ZC3HAV1: variants seen among roughly 807,000 people sequenced by gnomAD.
ZC3HAV1 encodes the protein zinc finger CCCH-type antiviral protein 1.
In ZC3HAV1, 41 loss-of-function variants were observed where a neutral mutation model predicts 86.6. That is an observed-to-expected ratio of 0.47 (90% CI 0.37 to 0.61). The LOEUF (loss-of-function observed/expected upper bound fraction) is 0.61. Among genes scored for constraint, ZC3HAV1 ranks in the 20% least tolerant of loss-of-function variants. The pLI, the probability that ZC3HAV1 is intolerant of heterozygous loss-of-function variation, is 0.00. For missense variants in ZC3HAV1, 964 were observed against 1,141.1 expected (o/e 0.84, Z 2.24); for synonymous variants, 421 against 432.1 (o/e 0.97, Z 0.32).
At chr7:139,094,141 G>A (rs1369273421) in intron 1 of ZC3HAV1, among the ~76,000 whole-genome samples, 1 of 152,116 alleles carries the variant, frequency 6.6e-6, no homozygotes, top group Admixed American at 6.5e-5. Flanking sequence ...CAATCTTTTA[G>A]GATGCATCAG....
chr7:139,070,663 C>CAAAAA (rs765065216), intron 7 of ZC3HAV1, among the ~76,000 whole-genome samples: 32 of 54,348 alleles, frequency 5.9e-4, no homozygotes, highest in East Asian at 1.4e-3. Context: ...GACTCCGTCT[C>CAAAAA]AAAAAAAAAA....
chr7:139,099,368 C>T (rs57537823), intron 1 of ZC3HAV1, among the ~76,000 whole-genome samples: 3,312 of 152,224 alleles, frequency 0.022, 113 homozygotes, highest in African/African-American at 0.075. Flanking sequence ...TAGATGAATA[C>T]GCCCACACAA....
At chr7:139,105,083 G>A (rs1291760190) in intron 1 of ZC3HAV1, among the ~76,000 whole-genome samples, 1 of 150,726 alleles carries the variant, frequency 6.6e-6, no homozygotes, top group Non-Finnish European at 1.5e-5. Flanking sequence ...ACATGGTGGC[G>A]CCCACCTGTA....
chr7:139,057,184 C>A (rs936593565), intron 9 of ZC3HAV1, among the ~76,000 whole-genome samples: 1 of 152,122 alleles, frequency 6.6e-6, no homozygotes, highest in East Asian at 1.9e-4. Context: ...TCCCCCTCCC[C>A]ATCTCTAGAA....
At position 139,109,337 on chromosome 7, in the gene ZC3HAV1, G is replaced by A; in HGVS notation, c.-6C>T. ...CACACCTCCGGGTCCGCCATGGCGCGCTGGCTGTGCTGGCTCTGCCGCGGC... is the reference window on the plus strand; with the variant it reads ...CACACCTCCGGGTCCGCCATGGCGCACTGGCTGTGCTGGCTCTGCCGCGGC... On this transcript the variant is annotated 5_prime_UTR_variant, in exon 1 of 13. Transcript: ENST00000242351. 4 of 1,560,326 alleles carry A rather than the reference G, an allele frequency of 2.6e-6. No homozygotes were observed. Among genetic ancestry groups the A allele is most frequent in the East Asian group, 2.3e-5 (1 of 43,702 alleles).
At chr7:139,103,316 G>A (rs1246514028) in intron 1 of ZC3HAV1, among the ~76,000 whole-genome samples, 1 of 147,422 alleles carries the variant, frequency 6.8e-6, no homozygotes, top group Non-Finnish European at 1.5e-5. Flanking sequence ...TGTTGTCCAG[G>A]CTAGTCTTGA....
intron 1 of ZC3HAV1, among the ~76,000 whole-genome samples, chr7:139,102,676 G>A (rs1481705101): frequency 6.6e-6 from 1 of 151,722 alleles, no homozygotes; most frequent in African/African-American, 2.4e-5. Context: ...AGGAATGCTT[G>A]AGCCCAGGCA....
At chr7:139,080,348 C>A (rs898801745) in intron 3 of ZC3HAV1, 105 bp from the exon 4 acceptor site, 19 of 1,371,990 alleles carry the variant, frequency 1.4e-5, no homozygotes, top group Non-Finnish European at 1.8e-5. Flanking sequence ...GCTTTGCTAT[C>A]CAAGTGCTAT....
chr7:139,079,813 C>T lies in ZC3HAV1; in HGVS notation c.1128G>A (p.Val376=), dbSNP rs1248572014. ...GGGCGGCAGGTAGCGTGGGAGAAAA[C>T]ACAGTCTTTCTCCTGGCGCCTTGGT... ...TNDQGARRKT[V]FSPTLPAARS... Residue 376 remains valine, a synonymous_variant, in exon 4 of 13, where the codon GTG becomes GTA. Coordinates refer to ENST00000242351, the MANE Select transcript of ZC3HAV1 (RefSeq NM_020119.4). The T allele has an allele frequency of 1.9e-6, 3 of 1,614,022 alleles. No individual in the cohort carries two copies. The highest frequency in any genetic ancestry group is 1.7e-5 in the Admixed American group (1 of 59,994).
rs542140485 is a variant in ZC3HAV1, at chr7:139,109,494, C to A, written c.-163G>T. The A allele has an allele frequency of 5.3e-4, 456 of 858,022 alleles. 2 individuals are homozygous for A. In the African/African-American group the frequency reaches 7.3e-3, roughly 14 times the overall value. 53.2% of individuals were successfully genotyped at this position (858,022 alleles called of 1,614,324 possible). ...CTCCGTCGCCGTTAGCCCAGCCCAG[C>A]GATCCACTCTCGGCTCTCAGGTCAA... On this transcript the variant is annotated 5_prime_UTR_variant, in exon 1 of 13. Coordinates refer to ENST00000242351, the MANE Select transcript of ZC3HAV1 (RefSeq NM_020119.4).
intron 11 of ZC3HAV1, 102 bp downstream of exon 11, chr7:139,053,863 G>C: frequency 7.5e-7 from 1 of 1,336,742 alleles, no homozygotes; most frequent in South Asian, 1.4e-5. Flanking sequence ...TAAAGGAACT[G>C]TTAACTACTA....
At chr7:139,071,028 C>T (rs1324080073) in intron 7 of ZC3HAV1, among the ~76,000 whole-genome samples, 1 of 149,572 alleles carries the variant, frequency 6.7e-6, no homozygotes, top group African/African-American at 2.5e-5. Context: ...TATTAGAGAA[C>T]ATGATTGAAC....
intron 2 of ZC3HAV1, among the ~76,000 whole-genome samples, chr7:139,085,273 G>C (rs551660177): frequency 5.9e-5 from 9 of 152,158 alleles, no homozygotes; most frequent in Non-Finnish European, 8.8e-5. Flanking sequence ...ATGATGTTTT[G>C]GTAACATTCC....
chr7:139,068,733 C>G (rs1167621724), intron 7 of ZC3HAV1, among the ~76,000 whole-genome samples: 6 of 152,236 alleles, frequency 3.9e-5, no homozygotes, highest in African/African-American at 9.6e-5. Flanking sequence ...TCACACTGCA[C>G]TTGTCATGTT....
chr7:139,074,022 A>G lies in ZC3HAV1; in HGVS notation c.1706T>C (p.Val569Ala), dbSNP rs1365760322. 1 of 1,612,040 alleles carries G rather than the reference A, an allele frequency of 6.2e-7. No homozygotes were observed. The highest frequency in any genetic ancestry group is 1.1e-5 in the South Asian group (1 of 90,992). Residue 569 changes from valine (V) to alanine (A), a missense_variant, in exon 7 of 13, where the codon GTA (valine) becomes GCA (alanine). Physicochemically the swap from Val to Ala is moderately conservative, Grantham distance 64 (BLOSUM62 0). Transcript: ENST00000242351. ...YCNPGIHLCS[V>A]GSYTINFRVM... ...CCGAAAATTGATTGTATAACTTCCT[A>G]CAGAACAGCTGAGAGAGAAAAGTAT...
chr7:139,077,863 C>T (rs1261353524), intron 5 of ZC3HAV1, among the ~76,000 whole-genome samples: 1 of 152,160 alleles, frequency 6.6e-6, no homozygotes, highest in Non-Finnish European at 1.5e-5. Context: ...TAGAGTGGCC[C>T]TACTTGAGAC....
chr7:139,100,663 GCT>G (rs1817725290), intron 1 of ZC3HAV1, among the ~76,000 whole-genome samples: 1 of 152,234 alleles, frequency 6.6e-6, no homozygotes, highest in African/African-American at 2.4e-5. Context: ...GCAAGGGAAG[GCT>G]CTTATTCTTC....
rs930123044 is a variant in ZC3HAV1 at position 139,074,756 on chromosome 7, A to G, written c.1698-726T>C. Reference sequence around the variant, plus strand: ...CATGAATATGTATATAGTATTAAATATAGTTACATGAAACATGTTCATTAT... The same window carrying G: ...CATGAATATGTATATAGTATTAAATGTAGTTACATGAAACATGTTCATTAT... On this transcript the variant is annotated intron_variant, in intron 6 of 12. Coordinates refer to ENST00000242351, the MANE Select transcript of ZC3HAV1 (RefSeq NM_020119.4). Among the ~76,000 whole-genome samples the G allele has an allele frequency of 5.3e-5, 8 of 152,200 alleles. No homozygotes were observed. In the South Asian group the frequency reaches 1.7e-3, roughly 32 times the overall value.
intron 2 of ZC3HAV1, among the ~76,000 whole-genome samples, chr7:139,085,353 TC>T (rs1490106970): frequency 6.6e-6 from 1 of 152,224 alleles, no homozygotes; most frequent in African/African-American, 2.4e-5. Flanking sequence ...AAGCATTTCT[TC>T]CTTTAAGAAG....
Sources: allele counts gnomAD v4.1 joint callset (sites outside exome capture counted in the v4.1 genomes callset), GRCh38; gene constraint gnomAD v4.1.1; transcripts MANE v1.5; gene names NCBI Gene and HGNC (gene_info 2026-07-23, HGNC 2026-07-21).